Variants in TRPC6 observed in about 807,000 individuals in gnomAD.
TRPC6 encodes transient receptor potential cation channel subfamily C member 6, also known as short transient receptor potential channel 6.
TRPC6 carries 55 observed loss-of-function variants against 90.7 expected under a neutral mutation model. The ratio of observed to expected loss-of-function variants is 0.61; its 90% CI spans 0.49 to 0.76. The LOEUF (loss-of-function observed/expected upper bound fraction) is 0.76. Among genes scored for constraint, TRPC6 ranks in the 30% least tolerant of loss-of-function variants. The pLI is 0.00. For synonymous variants in TRPC6, 393 were observed against 393.0 expected, an observed-to-expected ratio of 1.00 and a Z score of 0.00; for missense variants, 989 against 1,122.7, an observed-to-expected ratio of 0.88 and a Z score of 1.70.
chr11:101,475,858 A>C (rs1859402130), intron 6 of TRPC6, among the ~76,000 whole-genome samples: 1 of 136,044 alleles, frequency 7.4e-6, no homozygotes, highest in Non-Finnish European at 1.5e-5. Flanking sequence ...ATATACACAC[A>C]CACACATGTG....
At chr11:101,463,050 G>T (rs1252773495) in intron 10 of TRPC6, among the ~76,000 whole-genome samples, 2 of 152,130 alleles carry the variant, frequency 1.3e-5, no homozygotes, top group Non-Finnish European at 2.9e-5. Context: ...GGCCTTTTCT[G>T]CATCTATTGA....
intron 1 of TRPC6, among the ~76,000 whole-genome samples, chr11:101,522,075 T>A (rs1332493397): frequency 6.6e-6 from 1 of 152,142 alleles, no homozygotes; most frequent in Non-Finnish European, 1.5e-5. Context: ...TAAGAAGGGA[T>A]GACTGTGTTT....
At chr11:101,554,463 A>T (rs994492730) in intron 1 of TRPC6, among the ~76,000 whole-genome samples, 3 of 152,062 alleles carry the variant, frequency 2.0e-5, no homozygotes, top group Non-Finnish European at 4.4e-5. Flanking sequence ...TTATGTTGGA[A>T]TCCTTAATGT....
intron 4 of TRPC6, among the ~76,000 whole-genome samples, chr11:101,483,574 G>A (rs1307196384): frequency 6.6e-6 from 1 of 152,062 alleles, no homozygotes; most frequent in Non-Finnish European, 1.5e-5. Flanking sequence ...AACCTTGGTG[G>A]GTGTCCTCAC....
At chr11:101,465,955 G>A (rs1357812791) in intron 10 of TRPC6, among the ~76,000 whole-genome samples, 4 of 152,108 alleles carry the variant, frequency 2.6e-5, no homozygotes, top group Admixed American at 6.6e-5. Flanking sequence ...TCTACCTTTC[G>A]TCTTTGATGT....
intron 1 of TRPC6, among the ~76,000 whole-genome samples, chr11:101,523,172 C>T (rs961290540): frequency 1.3e-5 from 2 of 152,166 alleles, no homozygotes; most frequent in African/African-American, 4.8e-5. Flanking sequence ...TTTTAGTATT[C>T]TTCAGATTTA....
At chr11:101,532,694 C>T (rs1216050249) in intron 1 of TRPC6, among the ~76,000 whole-genome samples, 1 of 152,048 alleles carries the variant, frequency 6.6e-6, no homozygotes, top group Non-Finnish European at 1.5e-5. Context: ...TGAAATTCAG[C>T]TGATAAGAAG....
At chr11:101,545,893 T>C (rs1266956418) in intron 1 of TRPC6, among the ~76,000 whole-genome samples, 1 of 152,114 alleles carries the variant, frequency 6.6e-6, no homozygotes, top group African/African-American at 2.4e-5. Context: ...TGGTGTTTTC[T>C]GGTTTTCACA....
intron 4 of TRPC6, among the ~76,000 whole-genome samples, chr11:101,487,481 T>C (rs1242456837): frequency 6.6e-6 from 1 of 152,034 alleles, no homozygotes; most frequent in Non-Finnish European, 1.5e-5. Flanking sequence ...ACTCAAATAA[T>C]ATGCACTGTA....
At chr11:101,538,300 C>A (rs1033198487) in intron 1 of TRPC6, among the ~76,000 whole-genome samples, 1 of 152,048 alleles carries the variant, frequency 6.6e-6, no homozygotes, top group Non-Finnish European at 1.5e-5. Context: ...CTATACTTTT[C>A]TATTGCCTGT....
At position 101,558,226 on chromosome 11, in the gene TRPC6, CATGTATAT is replaced by C. The variant is rs1565243130; in HGVS notation, c.170+25100_170+25107del. Among the ~76,000 whole-genome samples the C allele has an allele frequency of 2.3e-3, 198 of 85,242 alleles. 6 individuals are homozygous for C. Among genetic ancestry groups the C allele is most frequent in the Non-Finnish European group, 3.9e-3 (164 of 42,342 alleles). 55.9% of individuals were successfully genotyped at this position (85,242 alleles called of 152,430 possible). A position where few individuals can be genotyped will look rare whatever the true frequency, so the allele number is the denominator to read the frequency against. On this transcript the variant is annotated intron_variant, in intron 1 of 12. Coordinates refer to ENST00000344327, the MANE Select transcript of TRPC6 (RefSeq NM_004621.6). Reference sequence around the variant, plus strand: ...GTGTGTATACATGTATATATGTATACATGTATATGGGTATACATGTATATATGTATACA... The same window carrying C: ...GTGTGTATACATGTATATATGTATACGGGTATACATGTATATATGTATACA...
chr11:101,542,569 G>T (rs1452826942), intron 1 of TRPC6, among the ~76,000 whole-genome samples: 3 of 151,228 alleles, frequency 2.0e-5, no homozygotes, highest in Non-Finnish European at 4.4e-5. Context: ...GTAATTAATT[G>T]TCTAAACCAT....
At position 101,452,470 on chromosome 11, in the gene TRPC6, CATTCTAAAGAAAGGATTAA is replaced by C; in HGVS notation, c.*466_*484del. The C allele has an allele frequency of 6.1e-6, 1 of 164,078 alleles. No homozygotes were observed. The highest frequency in any genetic ancestry group is 1.3e-5 in the Non-Finnish European group (1 of 74,272). 10.2% of individuals were successfully genotyped at this position (164,078 alleles called of 1,614,324 possible). A position where few individuals can be genotyped will look rare whatever the true frequency, so the allele number is the denominator to read the frequency against. On this transcript the variant is annotated 3_prime_UTR_variant, in exon 13 of 13. Coordinates refer to ENST00000344327, the MANE Select transcript of TRPC6 (RefSeq NM_004621.6). ...AGTAGGGTAAATGGTGTTTAAACAG[CATTCTAAAGAAAGGATTAA>C]AGCATTCTAAAGGCCCATGGGCTAC...
At chr11:101,573,984 A>C (rs1355743477) in intron 1 of TRPC6, among the ~76,000 whole-genome samples, 1 of 126,006 alleles carries the variant, frequency 7.9e-6, no homozygotes, top group African/African-American at 2.7e-5. Flanking sequence ...AGAAGGGTGG[A>C]GAGTACGTAA....
Position 101,557,785 on chromosome 11 carries a change from A to T in TRPC6, c.170+25549T>A, listed in dbSNP as rs569892820. On this transcript the variant is annotated intron_variant, in intron 1 of 12. Coordinates refer to ENST00000344327, the MANE Select transcript of TRPC6 (RefSeq NM_004621.6). Reference sequence around the variant, plus strand: ...TTTACAATCTCTACAAAAAGGGTAAATTATTTAGGAGTAAATTTAACCAAG... The same window carrying T: ...TTTACAATCTCTACAAAAAGGGTAATTTATTTAGGAGTAAATTTAACCAAG... 2.3e-4 allele frequency among the ~76,000 whole-genome samples: 35 copies of T among 152,330 alleles called. No individual in the cohort carries two copies. The South Asian group carries it at 6.8e-3, about 30-fold the overall frequency.
At chr11:101,508,952 G>T (rs2136753116) in intron 1 of TRPC6, among the ~76,000 whole-genome samples, 1 of 152,042 alleles carries the variant, frequency 6.6e-6, no homozygotes, top group East Asian at 1.9e-4. Context: ...AATGTGGAAA[G>T]CATTTTAGGT....
chr11:101,520,517 G>A (rs1860633307), intron 1 of TRPC6, among the ~76,000 whole-genome samples: 1 of 152,220 alleles, frequency 6.6e-6, no homozygotes, highest in Admixed American at 6.5e-5. Flanking sequence ...ATGGACAGAG[G>A]TTGGAACAGT....
intron 1 of TRPC6, among the ~76,000 whole-genome samples, chr11:101,518,830 C>T (rs1401195848): frequency 6.6e-6 from 1 of 152,150 alleles, no homozygotes; most frequent in Admixed American, 6.5e-5. Flanking sequence ...AAATGTGGTA[C>T]TTATACGCAA....
chr11:101,498,825 G>T (rs1043876602), intron 2 of TRPC6, among the ~76,000 whole-genome samples: 1 of 151,888 alleles, frequency 6.6e-6, no homozygotes, highest in East Asian at 1.9e-4. Context: ...TCTTTTGCTC[G>T]CCCACCCACC....
Sources: gnomAD v4.1 joint callset for allele counts (sites outside exome capture counted in the v4.1 genomes callset) on GRCh38, gnomAD v4.1.1 for gene constraint, MANE v1.5 for transcripts, NCBI Gene and HGNC (gene_info 2026-07-23, HGNC 2026-07-21) for gene names.